The following NSD2 variants were observed in gnomAD, a reference collection of about 807,000 sequenced individuals.
NSD2 encodes the protein histone-lysine N-methyltransferase NSD2.
NSD2 carries 12 observed loss-of-function variants against 139.0 expected under a neutral mutation model. That is an observed-to-expected ratio of 0.09 (90% CI 0.06 to 0.14). The LOEUF (loss-of-function observed/expected upper bound fraction) is 0.14, where lower values mean the gene tolerates loss of function less well. NSD2 is among the 10% of genes least tolerant of loss of function. The pLI, the probability that NSD2 is intolerant of heterozygous loss-of-function variation, is 1.00. For missense variants in NSD2, 1,155 were observed against 1,745.0 expected, an observed-to-expected ratio of 0.66 and a Z score of 6.02; for synonymous variants, 669 against 648.7, an observed-to-expected ratio of 1.03 and a Z score of -0.48.
At chr4:1,906,323 G>C (rs1717891224) in intron 3 of NSD2, among the ~76,000 whole-genome samples, 1 of 151,528 alleles carries the variant, frequency 6.6e-6, no homozygotes, top group Non-Finnish European at 1.5e-5. Flanking sequence ...ACTGCAACCT[G>C]TACCTTCTGG....
chr4:1,945,467 CTA>C (rs1166346207), intron 9 of NSD2: 3 of 1,063,332 alleles, frequency 2.8e-6, no homozygotes, highest in African/African-American at 3.3e-5. Flanking sequence ...AAAAAGAAAA[CTA>C]AGATTATAAA....
intron 3 of NSD2, 42 bp from the exon 4 acceptor site, chr4:1,916,829 G>A (rs1369464946): frequency 6.3e-7 from 1 of 1,575,170 alleles, no homozygotes; most frequent in East Asian, 2.3e-5. Context: ...TTTCATCCCA[G>A]ATTCTAACTT....
chr4:1,928,040 C>A (rs899731852), intron 5 of NSD2, among the ~76,000 whole-genome samples: 1 of 151,872 alleles, frequency 6.6e-6, no homozygotes, highest in Non-Finnish European at 1.5e-5. Context: ...CAGGCACTTG[C>A]CACCATACCC....
chr4:1,979,045 G>A lies in NSD2; in HGVS notation c.*136G>A. 8.5e-7 allele frequency: 1 copy of A among 1,170,186 alleles called. No individual in the cohort carries two copies. The highest frequency in any genetic ancestry group is 1.1e-6 in the Non-Finnish European group (1 of 872,790). The allele number at this position is 1,170,186 out of a possible 1,614,324, so 72.5% of individuals were successfully genotyped here. The stretch of plus-strand genomic sequence containing the variant: ...CACAGACGTACAGGCCTCCTCGGGA[G>A]GGAGCGCCTCCCCACCACTGAGCCA... On this transcript the variant is annotated 3_prime_UTR_variant, in exon 22 of 22. Coordinates refer to ENST00000508803, the MANE Select transcript of NSD2 (RefSeq NM_001042424.3).
chr4:1,957,393 C>T (rs1479826111), intron 15 of NSD2, among the ~76,000 whole-genome samples: 1 of 151,116 alleles, frequency 6.6e-6, no homozygotes, highest in Non-Finnish European at 1.5e-5. Context: ...AAGCAATTCT[C>T]CTGCCTCAGT....
rs376941345 is a variant in NSD2, at chr4:1,974,771, C to T, written c.3373-92C>T. The T allele has an allele frequency of 3.9e-5, 61 of 1,562,664 alleles. No homozygotes were observed. In the African/African-American group the frequency reaches 6.2e-4, roughly 16 times the overall value. Reference sequence around the variant, plus strand: ...GTTTTCAGTACAACAAGGAACACAACTTGTTCAATGTGCTTTATGATGGTG... The same window carrying T: ...GTTTTCAGTACAACAAGGAACACAATTTGTTCAATGTGCTTTATGATGGTG... On this transcript the variant is annotated intron_variant, in intron 18 of 21. Coordinates refer to ENST00000508803, the MANE Select transcript of NSD2 (RefSeq NM_001042424.3). The surrounding 1 kb of genome is among the most constrained non-coding windows in gnomAD (Gnocchi z 4.0).
chr4:1,946,836 C>T (rs1560731679), intron 9 of NSD2: 1 of 1,056,784 alleles, frequency 9.5e-7, no homozygotes, highest in Non-Finnish European at 1.1e-6. Flanking sequence ...TCTCCAACAG[C>T]CCGACAGGCC....
chr4:1,897,417 T>C lies in NSD2; in HGVS notation c.-29-3209T>C, dbSNP rs1158719623. 2.0e-5 allele frequency among the ~76,000 whole-genome samples: 3 copies of C among 151,544 alleles called. No individual in the cohort carries two copies. In the East Asian group the frequency reaches 5.8e-4, roughly 29 times the overall value. ...GGAGGATTGCTTGAGCCCTGAAGGATAGAGGTTGCAGTGAGCTGAAATTGT... is the reference window on the plus strand; with the variant it reads ...GGAGGATTGCTTGAGCCCTGAAGGACAGAGGTTGCAGTGAGCTGAAATTGT... On this transcript the variant is annotated intron_variant, in intron 1 of 21. Coordinates refer to ENST00000508803, the MANE Select transcript of NSD2 (RefSeq NM_001042424.3).
intron 5 of NSD2, 163 bp downstream of exon 5, chr4:1,918,786 C>G: frequency 2.0e-6 from 2 of 997,416 alleles, no homozygotes; most frequent in Admixed American, 3.0e-5. Flanking sequence ...CATTCTGACC[C>G]TTGAGGGAAA....
At chr4:1,885,389 TAAC>T (rs1376963909) in intron 1 of NSD2, among the ~76,000 whole-genome samples, 1 of 152,128 alleles carries the variant, frequency 6.6e-6, no homozygotes, top group Non-Finnish European at 1.5e-5. Flanking sequence ...TCAGAAAAAA[TAAC>T]AACAGAATGA....
chr4:1,965,296 G>T (rs1021986014), intron 18 of NSD2, among the ~76,000 whole-genome samples: 1 of 151,960 alleles, frequency 6.6e-6, no homozygotes, highest in East Asian at 1.9e-4. Flanking sequence ...CCTATAAAGA[G>T]AAACAAACAA....
At chr4:1,929,050 G>A (rs1721305887) in intron 5 of NSD2, among the ~76,000 whole-genome samples, 1 of 152,132 alleles carries the variant, frequency 6.6e-6, no homozygotes, top group South Asian at 2.1e-4. Flanking sequence ...AACTGCAGAA[G>A]GTGTCCTCAA....
chr4:1,931,488 A>G (rs1180980411), intron 6 of NSD2, among the ~76,000 whole-genome samples: 1 of 152,192 alleles, frequency 6.6e-6, no homozygotes, highest in Non-Finnish European at 1.5e-5. Context: ...ATTTGAATGT[A>G]AAAATAACTG....
At chr4:1,878,514 T>C (rs1487329952) in intron 1 of NSD2, among the ~76,000 whole-genome samples, 1 of 152,092 alleles carries the variant, frequency 6.6e-6, no homozygotes, top group African/African-American at 2.4e-5. Context: ...CCTGGCTGCA[T>C]TGGGTCATCT....
Position 1,976,384 on chromosome 4 carries a change from G to C in NSD2, c.3622-91G>C. 3 of 1,411,466 alleles carry C rather than the reference G, an allele frequency of 2.1e-6. No homozygotes were observed. The highest frequency in any genetic ancestry group is 2.6e-5 in the South Asian group (2 of 75,882). The allele number at this position is 1,411,466 out of a possible 1,614,324, so 87.4% of individuals were successfully genotyped here. On this transcript the variant is annotated intron_variant, in intron 20 of 21. Coordinates refer to ENST00000508803, the MANE Select transcript of NSD2 (RefSeq NM_001042424.3). The surrounding 1 kb of genome is among the most constrained non-coding windows in gnomAD (Gnocchi z 5.3). The stretch of plus-strand genomic sequence containing the variant: ...GTGTTGGGCACCTGCAGAGATCTCT[G>C]AAGTTCCTGGAGTGTAGCTCGCTCT...
intron 20 of NSD2, 163 bp downstream of exon 20, chr4:1,975,563 A>G (rs1442859391): frequency 3.2e-6 from 2 of 621,446 alleles, no homozygotes; most frequent in Non-Finnish European, 5.7e-6. Context: ...GCTCTCAACA[A>G]AGGCCAGTGG....
At chr4:1,876,987 AT>A (rs1294595498) in intron 1 of NSD2, among the ~76,000 whole-genome samples, 5 of 151,916 alleles carry the variant, frequency 3.3e-5, no homozygotes, top group Non-Finnish European at 7.4e-5. Context: ...AATACAAAAA[AT>A]TAGCTGGGCG....
At chr4:1,929,703 T>G (rs534644965) in intron 5 of NSD2, among the ~76,000 whole-genome samples, 5 of 152,286 alleles carry the variant, frequency 3.3e-5, no homozygotes, top group Admixed American at 2.6e-4. Flanking sequence ...TTTTCAGACA[T>G]TGAACAGAAA....
At chr4:1,952,255 T>A (rs772271850) in intron 11 of NSD2, 24 bp downstream of exon 11, 4 of 1,611,884 alleles carry the variant, frequency 2.5e-6, no homozygotes, top group Non-Finnish European at 3.4e-6. Context: ...GGCGGGCAGC[T>A]CTGCAGCCTG....
Sources: allele counts gnomAD v4.1 joint callset (sites outside exome capture counted in the v4.1 genomes callset), GRCh38; gene constraint gnomAD v4.1.1; non-coding constraint Gnocchi (gnomAD v3.1); transcripts MANE v1.5; gene names NCBI Gene and HGNC (gene_info 2026-07-23, HGNC 2026-07-21).